ZER1: variants seen among roughly 807,000 people sequenced by gnomAD.
ZER1 encodes protein zer-1 homolog.
In ZER1, 11 loss-of-function variants were observed where a neutral mutation model predicts 78.8. That is an observed-to-expected ratio of 0.14 (90% CI 0.09 to 0.23). The LOEUF (loss-of-function observed/expected upper bound fraction) is 0.23, where lower values mean the gene tolerates loss of function less well. Among genes scored for constraint, ZER1 ranks in the 10% least tolerant of loss-of-function variants. The probability of loss-of-function intolerance (pLI) is 1.00; values close to 1 mark genes in which losing one functional copy is unlikely to be tolerated. For synonymous variants in ZER1, 400 were observed against 407.0 expected (o/e 0.98, Z 0.21); for missense variants, 588 against 996.9 (o/e 0.59, Z 5.52).
intron 1 of ZER1, among the ~76,000 whole-genome samples, chr9:128,761,309 CAG>C (rs1354772286): frequency 6.6e-6 from 1 of 151,044 alleles, no homozygotes; most frequent in Non-Finnish European, 1.5e-5. Flanking sequence ...TTTCTTTTTT[CAG>C]AGTCTTGCTC....
intron 8 of ZER1, 72 bp downstream of exon 8, chr9:128,750,544 T>C: frequency 6.4e-7 from 1 of 1,558,864 alleles, no homozygotes; most frequent in African/African-American, 1.3e-5. Context: ...GGGGGAGCCC[T>C]AGCGGGACGC....
chr9:128,752,034 C>T (rs1459387552), intron 5 of ZER1, among the ~76,000 whole-genome samples: 1 of 152,240 alleles, frequency 6.6e-6, no homozygotes, highest in African/African-American at 2.4e-5. Context: ...TCCCCTGTCG[C>T]TCCTCATGCT....
intron 1 of ZER1, among the ~76,000 whole-genome samples, chr9:128,759,849 C>G (rs1008675864): frequency 6.6e-6 from 1 of 152,078 alleles, no homozygotes; most frequent in African/African-American, 2.4e-5. Flanking sequence ...TGCATCTTTC[C>G]TTATGTATGT....
At chr9:128,743,074 G>A (rs1015570738) in intron 8 of ZER1, among the ~76,000 whole-genome samples, 7 of 151,482 alleles carry the variant, frequency 4.6e-5, no homozygotes, top group African/African-American at 1.5e-4. Context: ...TTAGCCCTTC[G>A]ACCCCCCTAG....
intron 13 of ZER1, 130 bp downstream of exon 13, chr9:128,739,801 G>T: frequency 8.5e-7 from 1 of 1,170,586 alleles, no homozygotes; most frequent in Non-Finnish European, 1.2e-6. Flanking sequence ...GTATCAATGA[G>T]TGAAAGCAGA....
At chr9:128,741,433 T>C in intron 11 of ZER1, 102 bp downstream of exon 11, 2 of 1,540,644 alleles carry the variant, frequency 1.3e-6, no homozygotes, top group South Asian at 1.1e-5. Context: ...CCAGGAAGCA[T>C]GGGTGAGGGG....
intron 8 of ZER1, among the ~76,000 whole-genome samples, chr9:128,745,127 C>T (rs1459760217): frequency 3.9e-5 from 6 of 151,922 alleles, no homozygotes; most frequent in Non-Finnish European, 8.8e-5. Flanking sequence ...AGTGTAGGAG[C>T]TCTCCAGTTG....
chr9:128,751,440 G>A lies in ZER1; in HGVS notation c.1011C>T (p.Cys337=). The change falls in exon 6 of 16, where the codon TGC becomes TGT. Residue 337 remains cysteine, a synonymous_variant. Transcript: ENST00000291900. The surrounding 1 kb of genome is among the most constrained non-coding windows in gnomAD (Gnocchi z 5.4). ...TGTAGGCTGGAATGTGCGTGAGGCG[G>A]CACAGAGAGTTCTCAAAGAGCCCGA... is the stretch of plus-strand genomic sequence containing the variant. The part of the protein sequence containing the change: ...QFLGLFENSL[C]RLTHIPAYKV... 6.2e-7 allele frequency: 1 copy of A among 1,614,112 alleles called. No homozygotes were observed. Among genetic ancestry groups the A allele is most frequent in the Non-Finnish European group, 8.5e-7 (1 of 1,180,032 alleles).
In ZER1 at chr9:128,753,416, A is replaced by G; in HGVS notation, c.494T>C (p.Leu165Pro). The change falls in exon 4 of 16, where the codon CTG becomes CCG. Residue 165 changes from leucine to proline, a missense_variant. This residue lies in a region of ZER1 where 406 missense variants were observed against 660.1 expected (regional missense o/e 0.62). Coordinates refer to ENST00000291900, the MANE Select transcript of ZER1 (RefSeq NM_006336.4). This position sits in a 1 kb window ranked among gnomAD's most constrained non-coding sequence, Gnocchi z 7.5. ...EYLVNPTCQV[L>P]VKDFTFEGFS... ...GCCCTCGAAGGTGAAATCCTTAACCAGCACCTGGCAGGTGGGGTTGACGAG... is the reference window on the plus strand; with the variant it reads ...GCCCTCGAAGGTGAAATCCTTAACCGGCACCTGGCAGGTGGGGTTGACGAG... 1 of 1,614,182 alleles carries G rather than the reference A, an allele frequency of 6.2e-7. No individual in the cohort carries two copies. Among genetic ancestry groups the G allele is most frequent in the Non-Finnish European group, 8.5e-7 (1 of 1,180,028 alleles).
rs1554788809 is a variant in ZER1, at chr9:128,751,911, A to G, written c.924-384T>C. 2.0e-5 allele frequency among the ~76,000 whole-genome samples: 3 copies of G among 152,164 alleles called. No homozygotes were observed. The highest frequency in any genetic ancestry group is 4.4e-5 in the Non-Finnish European group (3 of 68,024). The stretch of plus-strand genomic sequence containing the variant: ...AGGGTTTGGTCAAACTTCTCAACCA[A>G]CCAATCCAAGAACCGACCTATGTCC... On this transcript the variant is annotated intron_variant, in intron 5 of 15. Transcript: ENST00000291900. This position sits in a 1 kb window ranked among gnomAD's most constrained non-coding sequence, Gnocchi z 5.4.
At chr9:128,735,757 CCTGGTTTTTTTTTTTTTT>C (rs1390776483) in intron 13 of ZER1, among the ~76,000 whole-genome samples, 3 of 77,404 alleles carry the variant, frequency 3.9e-5, no homozygotes, top group African/African-American at 5.6e-5. Flanking sequence ...GCACGTGTGA[CCTGGTTTTTTTTTTTTTT>C]TTTTTTTTTT....
Position 128,751,553 on chromosome 9 carries a change from G to A in ZER1, c.924-26C>T, listed in dbSNP as rs776703815. The A allele has an allele frequency of 6.2e-7, 1 of 1,603,258 alleles. No individual in the cohort carries two copies. Among genetic ancestry groups the A allele is most frequent in the Non-Finnish European group, 8.5e-7 (1 of 1,175,230 alleles). On this transcript the variant is annotated intron_variant, in intron 5 of 15. Transcript: ENST00000291900. The surrounding 1 kb of genome is among the most constrained non-coding windows in gnomAD (Gnocchi z 5.4). Reference sequence around the variant, plus strand: ...CTGGGGAAAGAGGGTGCCGGTGTCAGTGGCTTGGGACCCAGGCCTGAGCTG... The same window carrying A: ...CTGGGGAAAGAGGGTGCCGGTGTCAATGGCTTGGGACCCAGGCCTGAGCTG...
chr9:128,765,963 G>A (rs943516188), intron 1 of ZER1, among the ~76,000 whole-genome samples: 1 of 152,250 alleles, frequency 6.6e-6, no homozygotes, highest in Non-Finnish European at 1.5e-5. Context: ...GAGGCCTTGA[G>A]GAGGCTGCAT....
intron 8 of ZER1, among the ~76,000 whole-genome samples, chr9:128,745,198 G>GTT (rs1863445424): frequency 6.8e-6 from 1 of 146,194 alleles, no homozygotes; most frequent in African/African-American, 2.7e-5. Context: ...GATTTGTTTG[G>GTT]GTTTTTTTTT....
intron 1 of ZER1, among the ~76,000 whole-genome samples, chr9:128,756,549 A>G (rs1217212314): frequency 6.6e-6 from 1 of 152,256 alleles, no homozygotes; most frequent in Non-Finnish European, 1.5e-5. Context: ...ATATTCATAC[A>G]GTGGAATATT....
rs568078668 is a variant in ZER1, at chr9:128,755,309, C to G, written c.158+99G>C. On this transcript the variant is annotated intron_variant, in intron 2 of 15. Transcript: ENST00000291900. This position sits in a 1 kb window ranked among gnomAD's most constrained non-coding sequence, Gnocchi z 5.6. ...CACACACACACCCTCACACATTCAT[C>G]TCCATAGCTACTCCCCACATAGTGC... 1.6e-4 allele frequency: 248 copies of G among 1,516,312 alleles called. No individual in the cohort carries two copies. Among genetic ancestry groups the G allele is most frequent in the South Asian group, 3.4e-4 (28 of 82,022 alleles). The allele number at this position is 1,516,312 out of a possible 1,614,324, so 93.9% of individuals were successfully genotyped here. A position where few individuals can be genotyped will look rare whatever the true frequency, so the allele number is the denominator to read the frequency against.
At position 128,734,144 on chromosome 9, in the gene ZER1, A is replaced by AAAAAAAAT; in HGVS notation, c.2141-617_2141-616insATTTTTTT. Among the ~76,000 whole-genome samples the AAAAAAAAT allele has an allele frequency of 5.6e-3, 81 of 14,436 alleles. 3 individuals are homozygous for AAAAAAAAT. The highest frequency in any genetic ancestry group is 0.015 in the African/African-American group (78 of 5,346). The allele number at this position is 14,436 out of a possible 152,430, so 9.5% of individuals were successfully genotyped here. A position where few individuals can be genotyped will look rare whatever the true frequency, so the allele number is the denominator to read the frequency against. On this transcript the variant is annotated intron_variant, in intron 14 of 15. Coordinates refer to ENST00000291900, the MANE Select transcript of ZER1 (RefSeq NM_006336.4). ...CTCCGTCTCAAAAAAAAAAAAAAAA[A>AAAAAAAAT]ATATATATATATATATATAAAATCT...
chr9:128,730,026 C>T lies in ZER1; in HGVS notation c.*1311G>A, dbSNP rs570795175. On this transcript the variant is annotated 3_prime_UTR_variant, in exon 16 of 16. Transcript: ENST00000291900. The stretch of plus-strand genomic sequence containing the variant: ...AGGAGAAAAAGGCCAGGTGTCTCTC[C>T]CAAAGCTGCTCACCCCTGCCGTCCT... The T allele has an allele frequency of 3.3e-5, 5 of 152,438 alleles. No individual in the cohort carries two copies. In the East Asian group the frequency reaches 5.8e-4, roughly 18 times the overall value. The allele number at this position is 152,438 out of a possible 1,614,324, so 9.4% of individuals were successfully genotyped here. A position where few individuals can be genotyped will look rare whatever the true frequency, so the allele number is the denominator to read the frequency against.
chr9:128,731,441 G>GGTGGGGGGGCC, intron 15 of ZER1, 47 bp from the exon 16 acceptor site: 1 of 704,912 alleles, frequency 1.4e-6, no homozygotes. Flanking sequence ...CTTGGGTGGG[G>GGTGGGGGGGCC]GTGAGCCCAG....
Sources: allele counts gnomAD v4.1 joint callset (sites outside exome capture counted in the v4.1 genomes callset), GRCh38; gene constraint gnomAD v4.1.1; regional missense constraint gnomAD v4.1.1; non-coding constraint Gnocchi (gnomAD v3.1); transcripts MANE v1.5; gene names NCBI Gene and HGNC (gene_info 2026-07-23, HGNC 2026-07-21).